DLGAP1: variants seen among roughly 807,000 people sequenced by gnomAD.
The protein encoded by DLGAP1 is DLG associated protein 1.
A neutral mutation model predicts 90.8 loss-of-function variants in DLGAP1; 11 were observed. The ratio of observed to expected loss-of-function variants is 0.12; its 90% CI spans 0.08 to 0.20. The LOEUF is 0.20. Ranked by LOEUF, DLGAP1 falls within the 10% of genes least tolerant of loss-of-function variation. The pLI, the probability that DLGAP1 is intolerant of heterozygous loss-of-function variation, is 1.00. For missense variants in DLGAP1, 1,050 were observed against 1,333.8 expected (o/e 0.79, Z 3.31); for synonymous variants, 558 against 540.7 (o/e 1.03, Z -0.44).
chr18:4,283,865 C>T (rs547267637), intron 1 of DLGAP1, among the ~76,000 whole-genome samples: 1 of 152,276 alleles, frequency 6.6e-6, no homozygotes, highest in East Asian at 1.9e-4. Flanking sequence ...TATATCCAAA[C>T]TGGCGAATGA....
intron 1 of DLGAP1, among the ~76,000 whole-genome samples, chr18:4,446,565 G>A (rs1452459435): frequency 3.3e-5 from 5 of 152,026 alleles, no homozygotes; most frequent in Admixed American, 3.3e-4. Flanking sequence ...TGTAATTAAA[G>A]GCTTTATAAA....
chr18:3,774,824 GCTCT>G (rs1223248228), intron 5 of DLGAP1, among the ~76,000 whole-genome samples: 2 of 151,980 alleles, frequency 1.3e-5, no homozygotes, highest in African/African-American at 4.8e-5. Flanking sequence ...TCTCATCCTG[GCTCT>G]CTCTGAAGAC....
chr18:3,726,267 AT>A (rs1260634630), intron 7 of DLGAP1, among the ~76,000 whole-genome samples: 1 of 152,208 alleles, frequency 6.6e-6, no homozygotes, highest in Non-Finnish European at 1.5e-5. Flanking sequence ...TCATTTCTCA[AT>A]TTTCATAGAT....
At chr18:4,354,621 GTTA>G (rs1389005306) in intron 1 of DLGAP1, among the ~76,000 whole-genome samples, 1 of 151,892 alleles carries the variant, frequency 6.6e-6, no homozygotes, top group Non-Finnish European at 1.5e-5. Context: ...CCTGCCTTTT[GTTA>G]TAGGGGTGTC....
chr18:4,414,591 T>C (rs769996800), intron 1 of DLGAP1, among the ~76,000 whole-genome samples: 4 of 151,886 alleles, frequency 2.6e-5, no homozygotes, highest in Non-Finnish European at 5.9e-5. Flanking sequence ...CCAGGCATGG[T>C]GGCACACACC....
At chr18:3,959,001 C>T (rs2073138905) in intron 3 of DLGAP1, among the ~76,000 whole-genome samples, 2 of 152,332 alleles carry the variant, frequency 1.3e-5, no homozygotes, top group South Asian at 4.1e-4. Flanking sequence ...TGTTGGGTCA[C>T]TTTGCTGCTT....
chr18:3,982,124 T>A (rs990796923), intron 3 of DLGAP1, among the ~76,000 whole-genome samples: 1 of 152,134 alleles, frequency 6.6e-6, no homozygotes, highest in African/African-American at 2.4e-5. Context: ...CTTCATGGAA[T>A]GGAAACACTT....
At chr18:4,389,130 T>C (rs536054366) in intron 1 of DLGAP1, among the ~76,000 whole-genome samples, 14 of 152,320 alleles carry the variant, frequency 9.2e-5, no homozygotes, top group South Asian at 2.1e-4. Context: ...GATGGATGAA[T>C]GGATGAACAA....
chr18:4,008,115 A>T (rs1193806625), intron 2 of DLGAP1, among the ~76,000 whole-genome samples: 1 of 152,114 alleles, frequency 6.6e-6, no homozygotes, highest in Admixed American at 6.5e-5. Flanking sequence ...ACTTTATGAC[A>T]TACAGTAGCC....
intron 4 of DLGAP1, among the ~76,000 whole-genome samples, chr18:3,866,119 G>T (rs1316137177): frequency 2.0e-5 from 3 of 152,192 alleles, no homozygotes; most frequent in Non-Finnish European, 4.4e-5. Context: ...AAGCCCAAAA[G>T]TGATTTTGTA....
At chr18:3,720,896 A>AAAAAAAAAG (rs771361461) in intron 7 of DLGAP1, among the ~76,000 whole-genome samples, 5,077 of 125,796 alleles carry the variant, frequency 0.04, 329 homozygotes, top group East Asian at 0.15. Context: ...TACAAAAAAA[A>AAAAAAAAAG]AAAAAAAAAA....
chr18:4,033,486 T>A (rs751460284), intron 2 of DLGAP1, among the ~76,000 whole-genome samples: 15 of 152,180 alleles, frequency 9.9e-5, no homozygotes, highest in Non-Finnish European at 1.8e-4. Flanking sequence ...AACATCTTTG[T>A]ATCCTAGGCC....
chr18:3,596,569 TTC>T, intron 7 of DLGAP1: 1 of 228,540 alleles, frequency 4.4e-6, no homozygotes, highest in Non-Finnish European at 8.8e-6. Flanking sequence ...TTTTTTTTTT[TTC>T]TGGCCAGACT....
Position 4,042,594 on chromosome 18 carries a change from C to T in DLGAP1, c.-158-37393G>A, listed in dbSNP as rs567857375. ...CTCTACTAAAAATACAAAAAATTAG[C>T]TGGTCAGGGGTGGCGTGCGCCTGTA... On this transcript the variant is annotated intron_variant, in intron 2 of 12. Transcript: ENST00000315677. 3.0e-4 allele frequency among the ~76,000 whole-genome samples: 46 copies of T among 152,216 alleles called. 1 individual carries two copies. In the South Asian group the frequency reaches 9.1e-3, roughly 30 times the overall value.
intron 1 of DLGAP1, among the ~76,000 whole-genome samples, chr18:4,262,486 A>G (rs932392745): frequency 2.0e-5 from 3 of 152,204 alleles, no homozygotes; most frequent in African/African-American, 7.2e-5. Context: ...AAATAAAACA[A>G]ATGAATGCAT....
intron 10 of DLGAP1, among the ~76,000 whole-genome samples, chr18:3,511,971 C>A (rs1190723744): frequency 6.6e-6 from 1 of 152,044 alleles, no homozygotes; most frequent in Admixed American, 6.5e-5. Context: ...CAGTAGCACC[C>A]ATAGTCAACA....
intron 1 of DLGAP1, among the ~76,000 whole-genome samples, chr18:4,416,497 C>T (rs2082902561): frequency 6.6e-6 from 1 of 152,180 alleles, no homozygotes. Context: ...TTTAGAACAA[C>T]ATACACCATG....
intron 2 of DLGAP1, among the ~76,000 whole-genome samples, chr18:4,072,620 C>T (rs1413584262): frequency 6.6e-6 from 1 of 152,100 alleles, no homozygotes; most frequent in Non-Finnish European, 1.5e-5. Flanking sequence ...TGGCTGCATG[C>T]CACTGCACGC....
At chr18:3,534,690 C>CT (rs780658778) in intron 9 of DLGAP1, 75 bp from the exon 10 acceptor site, 2 of 1,174,382 alleles carry the variant, frequency 1.7e-6, no homozygotes, top group Admixed American at 3.2e-5. Context: ...TCCTTCCTTT[C>CT]TTTCTTTTTT....
Sources: gnomAD v4.1 joint callset for allele counts (sites outside exome capture counted in the v4.1 genomes callset) on GRCh38, gnomAD v4.1.1 for gene constraint, MANE v1.5 for transcripts, NCBI Gene and HGNC (gene_info 2026-07-23, HGNC 2026-07-21) for gene names.